Variants in ZNF362 observed in about 807,000 individuals in gnomAD.
ZNF362 encodes the protein zinc finger protein 362, also known as rotund homolog.
Under a neutral mutation model 42.9 loss-of-function variants are expected in ZNF362, and 11 were observed. The ratio of observed to expected loss-of-function variants is 0.26; its 90% CI spans 0.16 to 0.42. The LOEUF (loss-of-function observed/expected upper bound fraction) is 0.42. Ranked by LOEUF, ZNF362 falls within the 20% of genes least tolerant of loss-of-function variation. ZNF362 has a pLI of 1.00. For synonymous variants in ZNF362, 255 were observed against 257.3 expected (o/e 0.99, Z 0.09); for missense variants, 362 against 576.2 (o/e 0.63, Z 3.81).
At chr1:33,222,767 T>C in the ZNF362 span, among the ~76,000 whole-genome samples, 1 of 152,188 alleles carries the variant, frequency 6.6e-6, no homozygotes, top group Non-Finnish European at 1.5e-5. Flanking sequence ...AGTCAAGTGT[T>C]ACCTCTCATA....
At chr1:33,193,451 A>G in the ZNF362 span, among the ~76,000 whole-genome samples, 1 of 152,226 alleles carries the variant, frequency 6.6e-6, no homozygotes, top group Non-Finnish European at 1.5e-5. Context: ...ACTGAAGATA[A>G]TCTCATGGTA....
chr1:33,174,905 G>GTA, the ZNF362 span, among the ~76,000 whole-genome samples: 77 of 147,452 alleles, frequency 5.2e-4, 1 homozygote, highest in East Asian at 4.0e-3. Context: ...GTGTGTGTGT[G>GTA]TATATATATA....
the ZNF362 span, among the ~76,000 whole-genome samples, chr1:33,233,051 G>A: frequency 5.9e-5 from 9 of 152,282 alleles, no homozygotes; most frequent in South Asian, 4.1e-4. Flanking sequence ...CCAGGGTCAC[G>A]CACTGAGACT....
intron 6 of ZNF362, among the ~76,000 whole-genome samples, chr1:33,289,499 G>T (rs945604714): frequency 2.0e-5 from 3 of 152,156 alleles, no homozygotes; most frequent in Non-Finnish European, 2.9e-5. Flanking sequence ...GCACGTGCAT[G>T]GGAGGAGGCC....
chr1:33,261,505 G>T (rs1645827726), intron 1 of ZNF362: 1 of 152,156 alleles, frequency 6.6e-6, no homozygotes, highest in Non-Finnish European at 1.5e-5. Context: ...TCGGTGCATT[G>T]TTGAATGTAA....
chr1:33,222,894 CAG>C, the ZNF362 span, among the ~76,000 whole-genome samples: 1 of 152,062 alleles, frequency 6.6e-6, no homozygotes, highest in African/African-American at 2.4e-5. Flanking sequence ...ATCATGGGGG[CAG>C]GTCTTTTCTG....
chr1:33,159,000 C>A, the ZNF362 span, among the ~76,000 whole-genome samples: 1 of 152,008 alleles, frequency 6.6e-6, no homozygotes, highest in East Asian at 1.9e-4. Context: ...GCCACCACGC[C>A]CGGCTAATTT....
intron 6 of ZNF362, among the ~76,000 whole-genome samples, chr1:33,285,973 G>T (rs1019395375): frequency 6.6e-6 from 1 of 152,184 alleles, no homozygotes; most frequent in Admixed American, 6.5e-5. Flanking sequence ...CAAGGCAGGA[G>T]AATCATTTGA....
the ZNF362 span, chr1:33,181,112 G>T: frequency 6.2e-7 from 1 of 1,600,264 alleles, no homozygotes. This position sits in a 1 kb window ranked among gnomAD's most constrained non-coding sequence, Gnocchi z 6.5. Context: ...AGAGAAGCGC[G>T]CGGTCCGTGA....
At chr1:33,277,587 G>T (rs1179692771) in intron 4 of ZNF362, among the ~76,000 whole-genome samples, 1 of 152,188 alleles carries the variant, frequency 6.6e-6, no homozygotes, top group Non-Finnish European at 1.5e-5. Context: ...ATGGAAGCAG[G>T]GAGACCTTCA....
intron 6 of ZNF362, among the ~76,000 whole-genome samples, chr1:33,283,317 C>A (rs1646010180): frequency 6.6e-6 from 1 of 152,060 alleles, no homozygotes; most frequent in African/African-American, 2.4e-5. Flanking sequence ...ATTCGTTTAT[C>A]TCCATTGTCT....
the ZNF362 span, among the ~76,000 whole-genome samples, chr1:33,248,746 C>T: frequency 6.6e-6 from 1 of 152,154 alleles, no homozygotes; most frequent in Admixed American, 6.5e-5. Context: ...GTTCAGTATG[C>T]AGGTTATTTT....
upstream of ZNF362, among the ~76,000 whole-genome samples, chr1:33,252,354 A>AAACAAC (rs3075190): frequency 6.7e-6 from 1 of 149,996 alleles, no homozygotes; most frequent in African/African-American, 2.5e-5. Flanking sequence ...CTCCATCTCA[A>AAACAAC]AACAACAACA....
chr1:33,190,401 A>G, the ZNF362 span, among the ~76,000 whole-genome samples: 1 of 152,116 alleles, frequency 6.6e-6, no homozygotes, highest in African/African-American at 2.4e-5. Context: ...CTGGAATCCT[A>G]TTGTCACCAT....
the ZNF362 span, among the ~76,000 whole-genome samples, chr1:33,157,867 C>T: frequency 6.6e-6 from 1 of 152,098 alleles, no homozygotes; most frequent in Admixed American, 6.5e-5. Flanking sequence ...AGCAATTCTC[C>T]TGCCTCAGCC....
At chr1:33,244,545 A>G in the ZNF362 span, among the ~76,000 whole-genome samples, 7 of 152,334 alleles carry the variant, frequency 4.6e-5, no homozygotes, top group African/African-American at 7.2e-5. The surrounding 1 kb of genome is among the most constrained non-coding windows in gnomAD (Gnocchi z 4.0). Context: ...TTCAGTTCAT[A>G]TTTCAGAATC....
chr1:33,191,264 C>T, the ZNF362 span, among the ~76,000 whole-genome samples: 1 of 152,162 alleles, frequency 6.6e-6, no homozygotes. Context: ...TGATTGGACA[C>T]TGATCCTTTT....
chr1:33,143,908 C>T, the ZNF362 span, among the ~76,000 whole-genome samples: 3 of 152,222 alleles, frequency 2.0e-5, no homozygotes, highest in South Asian at 2.1e-4. Context: ...TGACCATGTG[C>T]GGCTCTGTGG....
chr1:33,154,156 G>A, the ZNF362 span, among the ~76,000 whole-genome samples: 2 of 152,216 alleles, frequency 1.3e-5, no homozygotes, highest in Non-Finnish European at 2.9e-5. Flanking sequence ...GGGAGAATAT[G>A]GCTCATTTAA....
Sources: allele counts gnomAD v4.1 joint callset (sites outside exome capture counted in the v4.1 genomes callset), GRCh38; gene constraint gnomAD v4.1.1; non-coding constraint Gnocchi (gnomAD v3.1); transcripts MANE v1.5; gene names NCBI Gene and HGNC (gene_info 2026-07-23, HGNC 2026-07-21).